Variants in MDGA2 observed in about 807,000 individuals in gnomAD.
MDGA2 encodes the protein MAM domain containing glycosylphosphatidylinositol anchor 2.
In MDGA2, 40 loss-of-function variants were observed where a neutral mutation model predicts 117.8. The observed-to-expected ratio is 0.34, with a 90% confidence interval of 0.26 to 0.44. The LOEUF (loss-of-function observed/expected upper bound fraction) is 0.44. MDGA2 is among the 20% of genes least tolerant of loss of function. MDGA2 has a pLI of 1.00. For synonymous variants in MDGA2, 452 were observed against 439.0 expected (o/e 1.03, Z -0.37); for missense variants, 1,123 against 1,250.6 (o/e 0.90, Z 1.54).
chr14:47,193,569 T>G (rs1020976488), intron 3 of MDGA2, among the ~76,000 whole-genome samples: 1 of 152,174 alleles, frequency 6.6e-6, no homozygotes, highest in Admixed American at 6.5e-5. Context: ...GAAGTCATGG[T>G]TCTCATGATA....
intron 2 of MDGA2, among the ~76,000 whole-genome samples, chr14:47,233,877 C>A (rs997266507): frequency 6.6e-6 from 1 of 152,034 alleles, no homozygotes; most frequent in Non-Finnish European, 1.5e-5. Flanking sequence ...TGAATTAGAA[C>A]CCCTACTAAT....
chr14:47,313,050 A>T (rs1163984272), intron 1 of MDGA2, among the ~76,000 whole-genome samples: 1 of 151,548 alleles, frequency 6.6e-6, no homozygotes, highest in Non-Finnish European at 1.5e-5. Flanking sequence ...TTGTAGCCAT[A>T]CTCTCTCATT....
At chr14:47,649,144 CTT>C (rs1897590830) in intron 1 of MDGA2, among the ~76,000 whole-genome samples, 1 of 152,052 alleles carries the variant, frequency 6.6e-6, no homozygotes, top group Non-Finnish European at 1.5e-5. Flanking sequence ...TTAAGAGTAA[CTT>C]TACATTTTTG....
At chr14:47,153,202 G>C (rs1439410406) in intron 3 of MDGA2, among the ~76,000 whole-genome samples, 2 of 152,072 alleles carry the variant, frequency 1.3e-5, no homozygotes, top group African/African-American at 4.8e-5. Flanking sequence ...ATTTGGGGGT[G>C]GCAAAAAGAG....
At chr14:47,332,446 A>G (rs1213725830) in intron 1 of MDGA2, among the ~76,000 whole-genome samples, 1 of 151,986 alleles carries the variant, frequency 6.6e-6, no homozygotes, top group East Asian at 1.9e-4. Flanking sequence ...TTAATACACA[A>G]AACTATAACC....
chr14:47,111,691 T>G (rs1196186111), intron 5 of MDGA2, among the ~76,000 whole-genome samples: 1 of 152,084 alleles, frequency 6.6e-6, no homozygotes, highest in African/African-American at 2.4e-5. Context: ...AGGAGAAATT[T>G]AAAATGGAAA....
intron 14 of MDGA2, among the ~76,000 whole-genome samples, chr14:46,867,616 A>T (rs1297449753): frequency 6.6e-6 from 1 of 152,120 alleles, no homozygotes; most frequent in East Asian, 1.9e-4. Context: ...ATTAAGTTAG[A>T]TCATCATAAG....
chr14:47,491,015 T>C (rs1894157943), intron 1 of MDGA2, among the ~76,000 whole-genome samples: 1 of 152,090 alleles, frequency 6.6e-6, no homozygotes, highest in African/African-American at 2.4e-5. Flanking sequence ...AATTGGCCTT[T>C]GATACTCGGA....
intron 2 of MDGA2, among the ~76,000 whole-genome samples, chr14:47,230,676 A>G (rs1255745651): frequency 6.6e-6 from 1 of 151,990 alleles, no homozygotes; most frequent in Non-Finnish European, 1.5e-5. Context: ...TTATATGGGT[A>G]CCTTGCAACA....
intron 4 of MDGA2, among the ~76,000 whole-genome samples, chr14:47,142,046 T>A (rs1882743004): frequency 6.6e-6 from 1 of 152,198 alleles, no homozygotes; most frequent in East Asian, 1.9e-4. Flanking sequence ...GTTTAATAAA[T>A]TTAAAATAAA....
chr14:47,066,999 C>T (rs1223860667), intron 6 of MDGA2, among the ~76,000 whole-genome samples: 3 of 152,100 alleles, frequency 2.0e-5, no homozygotes, highest in Non-Finnish European at 2.9e-5. Context: ...CCTGTAATCC[C>T]AGCTACTTGG....
intron 10 of MDGA2, among the ~76,000 whole-genome samples, chr14:46,913,235 CCTAA>C (rs1195476246): frequency 2.0e-5 from 3 of 152,114 alleles, no homozygotes; most frequent in Non-Finnish European, 4.4e-5. Flanking sequence ...CAAATATGTG[CCTAA>C]CTGTTGTACC....
chr14:46,855,233 A>G lies in MDGA2; in HGVS notation c.2753-79T>C, dbSNP rs1881224253. 3.3e-6 allele frequency: 4 copies of G among 1,227,476 alleles called. No homozygotes were observed. Among genetic ancestry groups the G allele is most frequent in the African/African-American group, 1.5e-5 (1 of 64,966 alleles). 76.0% of individuals were successfully genotyped at this position (1,227,476 alleles called of 1,614,324 possible). ...TTTTTCCTTGACCAAACACTTGTAA[A>G]CTTTTTAAACTGAAATTTTACAGAA... On this transcript the variant is annotated intron_variant, in intron 14 of 16. Transcript: ENST00000399232. This position sits in a 1 kb window ranked among gnomAD's most constrained non-coding sequence, Gnocchi z 4.1.
chr14:47,012,865 A>G (rs1887943897), intron 8 of MDGA2, among the ~76,000 whole-genome samples: 1 of 152,180 alleles, frequency 6.6e-6, no homozygotes, highest in African/African-American at 2.4e-5. Flanking sequence ...TATAAAAATT[A>G]CATTTACACT....
At chr14:46,944,631 A>G (rs2138590700) in intron 9 of MDGA2, among the ~76,000 whole-genome samples, 1 of 151,754 alleles carries the variant, frequency 6.6e-6, no homozygotes, top group South Asian at 2.1e-4. Context: ...TTATTCTTCA[A>G]TCCCTCTATT....
intron 8 of MDGA2, chr14:46,960,318 CTTCT>C (rs1196943961): frequency 2.0e-5 from 3 of 151,984 alleles, no homozygotes; most frequent in African/African-American, 7.3e-5. Context: ...CCCTTCATTC[CTTCT>C]TTCATTGTAG....
Position 46,931,732 on chromosome 14 carries a change from A to C in MDGA2, c.2090-11572T>G, listed in dbSNP as rs182001482. On this transcript the variant is annotated intron_variant, in intron 9 of 16. Coordinates refer to ENST00000399232, the MANE Select transcript of MDGA2 (RefSeq NM_001113498.3). ...GAGACGGGGTTTCGCCATGTTGGCC[A>C]GGTTGGTCTTGAACTCCTGACCTCA... Among the ~76,000 whole-genome samples, 4 of 152,160 alleles carry C rather than the reference A, an allele frequency of 2.6e-5. No individual in the cohort carries two copies. In the East Asian group the frequency reaches 7.7e-4, roughly 29 times the overall value.
chr14:47,110,890 C>G (rs1880999584), intron 5 of MDGA2, among the ~76,000 whole-genome samples: 2 of 152,122 alleles, frequency 1.3e-5, no homozygotes, highest in African/African-American at 4.8e-5. Context: ...GATTAATTAG[C>G]TAGGCCAACA....
At chr14:47,196,317 T>C (rs1413184969) in intron 3 of MDGA2, among the ~76,000 whole-genome samples, 1 of 152,160 alleles carries the variant, frequency 6.6e-6, no homozygotes, top group Non-Finnish European at 1.5e-5. Flanking sequence ...AAAGAGGTTC[T>C]CAGTGACAAG....
Sources: gnomAD v4.1 joint callset for allele counts (sites outside exome capture counted in the v4.1 genomes callset) on GRCh38, gnomAD v4.1.1 for gene constraint, Gnocchi (gnomAD v3.1) non-coding constraint, MANE v1.5 for transcripts, NCBI Gene and HGNC (gene_info 2026-07-23, HGNC 2026-07-21) for gene names.